Variants in ERBIN observed in about 807,000 individuals in gnomAD.
ERBIN encodes erbb2 interacting protein, also known as densin-180-like protein.
A neutral mutation model predicts 158.4 loss-of-function variants in ERBIN; 60 were observed. The observed-to-expected ratio is 0.38, with a 90% CI of 0.31 to 0.47. The LOEUF is 0.47. Among genes scored for constraint, ERBIN ranks in the 20% least tolerant of loss-of-function variants. The probability of loss-of-function intolerance (pLI) is 0.99; values close to 1 mark genes in which losing one functional copy is unlikely to be tolerated. For missense variants in ERBIN, 1,610 were observed against 1,648.0 expected (o/e 0.98, Z 0.40); for synonymous variants, 594 against 557.2 (o/e 1.07, Z -0.93).
In ERBIN at chr5:66,014,707, A is replaced by G. The variant is rs1231546642; in HGVS notation, c.515A>G (p.Gln172Arg). 2.8e-6 allele frequency: 4 copies of G among 1,453,174 alleles called. No homozygotes were observed. Among genetic ancestry groups the G allele is most frequent in the Admixed American group, 4.6e-5 (2 of 43,786 alleles). 90.0% of individuals were successfully genotyped at this position (1,453,174 alleles called of 1,614,324 possible). Reference sequence around the variant, plus strand: ...CAAATATTAGAGCTTAGAGAAAACCAGTTAAAAATGTTGCCTAAGTAAGTA... The same window carrying G: ...CAAATATTAGAGCTTAGAGAAAACCGGTTAAAAATGTTGCCTAAGTAAGTA... ...KLQILELREN[Q>R]LKMLPKTMNR... The change falls in exon 7 of 26, where the codon CAG becomes CGG. Residue 172 changes from glutamine to arginine, a missense_variant. Physicochemically the swap from Gln to Arg is conservative, Grantham distance 43. Around this residue, in one of 2 missense-constraint regions of ERBIN, gnomAD observed 596 missense variants for 711.9 expected, o/e 0.84. Transcript: ENST00000284037.
chr5:66,055,859 G>C (rs908260088), intron 21 of ERBIN, among the ~76,000 whole-genome samples: 3 of 152,084 alleles, frequency 2.0e-5, no homozygotes, highest in African/African-American at 7.2e-5. Flanking sequence ...CCTCATATCA[G>C]TTTACATGAA....
At chr5:65,958,678 G>A (rs1747568400) in intron 1 of ERBIN, among the ~76,000 whole-genome samples, 2 of 150,180 alleles carry the variant, frequency 1.3e-5, no homozygotes, top group African/African-American at 4.9e-5. Flanking sequence ...GAGGGGGAGG[G>A]AAATGTAGGA....
intron 1 of ERBIN, among the ~76,000 whole-genome samples, chr5:65,952,908 C>T (rs956980017): frequency 1.3e-5 from 2 of 152,084 alleles, no homozygotes; most frequent in East Asian, 1.9e-4. Context: ...TGTCACATAC[C>T]GTACGTCTAA....
intron 2 of ERBIN, among the ~76,000 whole-genome samples, chr5:65,989,260 T>C (rs1474425872): frequency 1.3e-5 from 2 of 152,214 alleles, no homozygotes; most frequent in Admixed American, 1.3e-4. Flanking sequence ...TACTTCTCTT[T>C]CGTATGTTAC....
At chr5:66,035,335 C>T (rs912363325) in intron 14 of ERBIN, among the ~76,000 whole-genome samples, 4 of 152,114 alleles carry the variant, frequency 2.6e-5, no homozygotes, top group Non-Finnish European at 5.9e-5. Flanking sequence ...CCACGTTCTG[C>T]CCCAAATATA....
At chr5:65,984,437 C>T (rs969611704) in intron 1 of ERBIN, among the ~76,000 whole-genome samples, 4 of 152,194 alleles carry the variant, frequency 2.6e-5, no homozygotes, top group African/African-American at 9.6e-5. Flanking sequence ...CTCATGCTGA[C>T]CTTCTAGATG....
intron 1 of ERBIN, among the ~76,000 whole-genome samples, chr5:65,948,089 T>C (rs966501484): frequency 6.6e-6 from 1 of 151,798 alleles, no homozygotes; most frequent in Non-Finnish European, 1.5e-5. Context: ...GAATGGACAG[T>C]GTTGTTGAGA....
At chr5:66,062,158 C>T (rs564520964) in intron 21 of ERBIN, among the ~76,000 whole-genome samples, 2 of 152,310 alleles carry the variant, frequency 1.3e-5, no homozygotes, top group South Asian at 4.2e-4. Flanking sequence ...GTTCCATTCT[C>T]CCCGTCACTT....
At chr5:65,992,242 C>T (rs867917766) in intron 2 of ERBIN, among the ~76,000 whole-genome samples, 3 of 151,986 alleles carry the variant, frequency 2.0e-5, no homozygotes, top group Non-Finnish European at 4.4e-5. Context: ...CTCCACCTCC[C>T]GGGTTCAAGC....
At chr5:66,045,993 A>G (rs1451232937) in intron 17 of ERBIN, among the ~76,000 whole-genome samples, 1 of 152,192 alleles carries the variant, frequency 6.6e-6, no homozygotes, top group African/African-American at 2.4e-5. Context: ...AAGTTTTACC[A>G]TGTCATTAGA....
Position 66,038,432 on chromosome 5 carries a change from A to G in ERBIN, c.1256A>G (p.Lys419Arg), listed in dbSNP as rs749044024. ...AAAGAAACTGATTCAGAGACCCAGAAAATGGTGCTTACCAACTACATGTTC... is the reference window on the plus strand; with the variant it reads ...AAAGAAACTGATTCAGAGACCCAGAGAATGGTGCTTACCAACTACATGTTC... ...LQKETDSETQ[K>R]MVLTNYMFPQ... The change falls in exon 15 of 26, where the codon AAA becomes AGA. Residue 419 changes from lysine to arginine, a missense_variant. By Grantham distance (26) the Lys-to-Arg change is conservative. Coordinates refer to ENST00000284037, the MANE Select transcript of ERBIN (RefSeq NM_001253697.2). The G allele has an allele frequency of 6.2e-7, 1 of 1,612,410 alleles. No homozygotes were observed.
At chr5:66,001,774 T>G (rs1271931818) in intron 4 of ERBIN, among the ~76,000 whole-genome samples, 1 of 152,204 alleles carries the variant, frequency 6.6e-6, no homozygotes, top group African/African-American at 2.4e-5. Flanking sequence ...CGAGTTTTGG[T>G]TTACTGTATG....
In ERBIN at chr5:65,992,747, G is replaced by C; in HGVS notation, c.29G>C (p.Arg10Pro). The C allele has an allele frequency of 6.2e-7, 1 of 1,605,728 alleles. No homozygotes were observed. Among genetic ancestry groups the C allele is most frequent in the Non-Finnish European group, 8.5e-7 (1 of 1,177,522 alleles). Residue 10 changes from arginine to proline, a missense_variant, in exon 3 of 26, where the codon CGG becomes CCG. Physicochemically the swap from Arg to Pro is moderately radical, Grantham distance 103 (BLOSUM62 -2). Transcript: ENST00000284037. MTTKRSLFV[R>P]LVPCRCLRGE... The stretch of plus-strand genomic sequence containing the variant: ...ACTACAAAACGAAGTTTGTTTGTGC[G>C]GTTGGTACCATGTCGCTGTCTACGA...
intron 1 of ERBIN, among the ~76,000 whole-genome samples, chr5:65,956,845 A>T (rs1246034449): frequency 2.0e-5 from 3 of 151,788 alleles, no homozygotes; most frequent in African/African-American, 7.3e-5. Flanking sequence ...TAATAATTCC[A>T]CTTGAAGATG....
chr5:66,005,654 C>T (rs1375941878), intron 4 of ERBIN, among the ~76,000 whole-genome samples: 1 of 152,150 alleles, frequency 6.6e-6, no homozygotes, highest in Non-Finnish European at 1.5e-5. Context: ...AAGACCCCAT[C>T]GTCTCAGCCC....
At chr5:65,942,032 G>T (rs894733812) in intron 1 of ERBIN, among the ~76,000 whole-genome samples, 2 of 151,950 alleles carry the variant, frequency 1.3e-5, no homozygotes, top group Non-Finnish European at 2.9e-5. Flanking sequence ...GAGCCACTGC[G>T]TCTGGCCCTC....
At chr5:65,930,311 CTTTG>C (rs1274029209) in intron 1 of ERBIN, among the ~76,000 whole-genome samples, 3 of 151,876 alleles carry the variant, frequency 2.0e-5, no homozygotes, top group Admixed American at 6.6e-5. Flanking sequence ...CAGTATATTG[CTTTG>C]TTTATTTTGA....
Position 65,984,309 on chromosome 5 carries a change from C to T in ERBIN, c.-57-4326C>T, listed in dbSNP as rs946601078. On this transcript the variant is annotated intron_variant, in intron 1 of 25. Transcript: ENST00000284037. Reference sequence around the variant, plus strand: ...CACTTATCAGTCTTGTCCTGTTCCACTCAGATCTACACTGAGGGCAGTTGG... The same window carrying T: ...CACTTATCAGTCTTGTCCTGTTCCATTCAGATCTACACTGAGGGCAGTTGG... Among the ~76,000 whole-genome samples, 3 of 152,198 alleles carry T rather than the reference C, an allele frequency of 2.0e-5. No individual in the cohort carries two copies. In the East Asian group the frequency reaches 5.8e-4, roughly 29 times the overall value.
chr5:66,002,902 A>G (rs1217257910), intron 4 of ERBIN, among the ~76,000 whole-genome samples: 4 of 152,232 alleles, frequency 2.6e-5, no homozygotes, highest in Non-Finnish European at 4.4e-5. Flanking sequence ...ATTTAAGATA[A>G]TGAAAGAAGG....
Sources: gnomAD v4.1 joint callset for allele counts (sites outside exome capture counted in the v4.1 genomes callset) on GRCh38, gnomAD v4.1.1 for gene constraint, gnomAD v4.1.1 regional missense constraint, MANE v1.5 for transcripts, NCBI Gene and HGNC (gene_info 2026-07-23, HGNC 2026-07-21) for gene names.